Variants in ABCA4 observed in about 807,000 individuals in gnomAD.
ABCA4 encodes the protein ATP binding cassette subfamily A member 4, also known as retinal-specific phospholipid-transporting ATPase ABCA4.
ABCA4 carries 196 observed loss-of-function variants against 263.7 expected under a neutral mutation model. That is an observed-to-expected ratio of 0.74 (90% CI 0.66 to 0.84). ABCA4 has a LOEUF of 0.84. Ranked by LOEUF, ABCA4 falls within the 40% of genes least tolerant of loss-of-function variation. ABCA4 has a pLI of 0.00. For synonymous variants in ABCA4, 1,133 were observed against 1,094.2 expected, an observed-to-expected ratio of 1.04 and a Z score of -0.70; for missense variants, 2,792 against 2,855.1, an observed-to-expected ratio of 0.98 and a Z score of 0.50.
chr1:94,074,220 A>C (rs1232288259), intron 11 of ABCA4, among the ~76,000 whole-genome samples: 1 of 152,198 alleles, frequency 6.6e-6, no homozygotes, highest in Non-Finnish European at 1.5e-5. Context: ...ACACATCTAC[A>C]ACCACCTGAT....
intron 48 of ABCA4, 65 bp from the exon 49 acceptor site, chr1:93,996,260 T>G: frequency 1.7e-6 from 2 of 1,205,776 alleles, no homozygotes; most frequent in Non-Finnish European, 2.4e-6. Context: ...TACACCCACC[T>G]ACCCACTTTG....
chr1:94,009,505 C>T (rs1659489007), intron 40 of ABCA4, among the ~76,000 whole-genome samples: 1 of 152,182 alleles, frequency 6.6e-6, no homozygotes. Flanking sequence ...CTTGCACTAA[C>T]TCCTCTGTCA....
At position 94,031,009 on chromosome 1, in the gene ABCA4, A is replaced by G; in HGVS notation, c.4240T>C (p.Tyr1414His). ...TLHPWIYGQQ[Y>H]TFFSMDEPGS... ...GAGTCCGCGCACCTGAAGAAGGTGT[A>G]CTGCTGCCCATATATCCAGGGGTGA... The change falls in exon 28 of 50, where the codon TAC (tyrosine) becomes CAC (histidine). Residue 1414 changes from tyrosine (Y) to histidine (H), a missense_variant. Coordinates refer to ENST00000370225, the MANE Select transcript of ABCA4 (RefSeq NM_000350.3). 6.2e-7 allele frequency: 1 copy of G among 1,614,084 alleles called. No individual in the cohort carries two copies. Among genetic ancestry groups the G allele is most frequent in the Non-Finnish European group, 8.5e-7 (1 of 1,179,982 alleles).
At chr1:94,028,808 G>T (rs562303559) in intron 30 of ABCA4, among the ~76,000 whole-genome samples, 7 of 150,000 alleles carry the variant, frequency 4.7e-5, no homozygotes, top group South Asian at 2.1e-4. Flanking sequence ...TACTCGGGGG[G>T]GCTGAGGCAC....
intron 49 of ABCA4, among the ~76,000 whole-genome samples, chr1:93,994,326 A>T (rs1330827975): frequency 6.6e-6 from 1 of 152,244 alleles, no homozygotes; most frequent in Non-Finnish European, 1.5e-5. Flanking sequence ...GTTTTCCAGG[A>T]TGGAGTCCTT....
At chr1:94,007,549 A>G in intron 43 of ABCA4, 85 bp downstream of exon 43, 3 of 1,253,340 alleles carry the variant, frequency 2.4e-6, no homozygotes, top group Non-Finnish European at 3.5e-6. Flanking sequence ...GAGCCACCCT[A>G]CTATAGGGTC....
intron 16 of ABCA4, among the ~76,000 whole-genome samples, 163 bp downstream of exon 16, chr1:94,054,948 G>T (rs1372275408): frequency 6.6e-6 from 1 of 152,196 alleles, no homozygotes; most frequent in Admixed American, 6.5e-5. Flanking sequence ...TTCTCAAGTA[G>T]AGCCAGTAGG....
At chr1:94,083,707 G>A (rs1483646649) in intron 6 of ABCA4, among the ~76,000 whole-genome samples, 1 of 152,158 alleles carries the variant, frequency 6.6e-6, no homozygotes, top group East Asian at 1.9e-4. Flanking sequence ...CTATTTCAAA[G>A]TGATTCTAAT....
At chr1:94,056,229 CTT>C (rs1337864775) in intron 15 of ABCA4, among the ~76,000 whole-genome samples, 1 of 152,188 alleles carries the variant, frequency 6.6e-6, no homozygotes, top group African/African-American at 2.4e-5. Flanking sequence ...GGAAACATCT[CTT>C]TAGACAGATA....
intron 49 of ABCA4, among the ~76,000 whole-genome samples, chr1:93,994,460 TG>T (rs1658944650): frequency 6.6e-6 from 1 of 152,226 alleles, no homozygotes; most frequent in Non-Finnish European, 1.5e-5. Flanking sequence ...TTCTCACATT[TG>T]CTTAGGAGCA....
intron 6 of ABCA4, among the ~76,000 whole-genome samples, chr1:94,095,382 G>C (rs4147825): frequency 6.6e-6 from 1 of 151,768 alleles, no homozygotes; most frequent in Non-Finnish European, 1.5e-5. Flanking sequence ...ATGCCGTCAC[G>C]GTGGTTTACT....
chr1:93,998,571 C>T (rs1232094369), intron 47 of ABCA4, among the ~76,000 whole-genome samples: 1 of 152,076 alleles, frequency 6.6e-6, no homozygotes, highest in African/African-American at 2.4e-5. Flanking sequence ...GACCTGTGTA[C>T]ATACTGAAAA....
At chr1:94,068,551 G>A (rs1661331992) in intron 11 of ABCA4, among the ~76,000 whole-genome samples, 1 of 152,226 alleles carries the variant, frequency 6.6e-6, no homozygotes. Context: ...GGGAGACAGA[G>A]ATGAATGAAT....
intron 36 of ABCA4, among the ~76,000 whole-genome samples, chr1:94,018,984 G>T (rs1659815631): frequency 7.4e-6 from 1 of 134,444 alleles, no homozygotes; most frequent in South Asian, 2.4e-4. Context: ...AATCTAGGAT[G>T]CCTAGTGAAA....
intron 19 of ABCA4, among the ~76,000 whole-genome samples, chr1:94,046,455 CA>C (rs61333901): frequency 0.027 from 1,146 of 42,232 alleles, 12 homozygotes; most frequent in African/African-American, 0.084. Context: ...GTTACTATCT[CA>C]AAAAAAAAAA....
chr1:94,010,214 G>C (rs1320026972), intron 40 of ABCA4, among the ~76,000 whole-genome samples: 3 of 152,210 alleles, frequency 2.0e-5, no homozygotes, highest in African/African-American at 7.2e-5. Context: ...GCAGAGGGGA[G>C]TGAGGCAGGG....
chr1:94,120,905 AC>A, intron 1 of ABCA4, 74 bp downstream of exon 1: 3 of 146,892 alleles, frequency 2.0e-5, no homozygotes, highest in Non-Finnish European at 2.6e-5. Context: ...ACCCTACCCC[AC>A]CACCCCACCC....
In ABCA4 at chr1:94,055,282, T is replaced by C; in HGVS notation, c.2416A>G (p.Thr806Ala). 2 of 1,614,088 alleles carry C rather than the reference T, an allele frequency of 1.2e-6. No homozygotes were observed. The highest frequency in any genetic ancestry group is 1.7e-6 in the Non-Finnish European group (2 of 1,180,004). Reference sequence around the variant, plus strand: ...TCTTCAAAGCGAACCAGGTACTCAGTGCCAAATCCAAATGCCACCGGAGAC... The same window carrying C: ...TCTTCAAAGCGAACCAGGTACTCAGCGCCAAATCCAAATGCCACCGGAGAC... ...LLSPVAFGFG[T>A]EYLVRFEEQG... Residue 806 changes from threonine (T) to alanine (A), a missense_variant, in exon 16 of 50, where the codon ACT becomes GCT. Transcript: ENST00000370225.
chr1:94,117,702 G>T (rs549395811), intron 1 of ABCA4, among the ~76,000 whole-genome samples: 1 of 152,096 alleles, frequency 6.6e-6, no homozygotes. Flanking sequence ...CAGCCCCGGT[G>T]CCTCCTCTGA....
Sources: gnomAD v4.1 joint callset for allele counts (sites outside exome capture counted in the v4.1 genomes callset) on GRCh38, gnomAD v4.1.1 for gene constraint, MANE v1.5 for transcripts, NCBI Gene and HGNC (gene_info 2026-07-23, HGNC 2026-07-21) for gene names.